The following TYR variants were observed in gnomAD, a reference collection of about 807,000 sequenced individuals.
The protein encoded by TYR is LB24-AB.
In TYR, 58 loss-of-function variants were observed where a neutral mutation model predicts 51.5. The ratio of observed to expected loss-of-function variants is 1.13; its 90% CI spans 0.91 to 1.40. TYR has a LOEUF of 1.40. TYR is among the 40% of genes most tolerant of loss of function. The probability of loss-of-function intolerance (pLI) is 0.00; values close to 1 mark genes in which losing one functional copy is unlikely to be tolerated. For missense variants in TYR, 732 were observed against 647.4 expected, an observed-to-expected ratio of 1.13 and a Z score of -1.42; for synonymous variants, 263 against 235.2, an observed-to-expected ratio of 1.12 and a Z score of -1.08.
intron 1 of TYR, among the ~76,000 whole-genome samples, chr11:89,181,750 G>C (rs765899112): frequency 6.6e-6 from 1 of 151,894 alleles, no homozygotes; most frequent in Non-Finnish European, 1.5e-5. Flanking sequence ...GCCTAAAATG[G>C]TAGGATGATT....
intron 2 of TYR, among the ~76,000 whole-genome samples, chr11:89,196,046 A>T (rs1463348736): frequency 2.0e-5 from 3 of 152,198 alleles, no homozygotes; most frequent in Non-Finnish European, 2.9e-5. Flanking sequence ...TTAACTTCTC[A>T]TATGTAAAAT....
intron 2 of TYR, among the ~76,000 whole-genome samples, chr11:89,192,839 A>G (rs1943464500): frequency 6.6e-6 from 1 of 152,130 alleles, no homozygotes; most frequent in Admixed American, 6.6e-5. Context: ...TATTATTCCC[A>G]CTTTTAAGGG....
chr11:89,226,119 CAG>C (rs1425985871), intron 2 of TYR, among the ~76,000 whole-genome samples: 1 of 151,878 alleles, frequency 6.6e-6, no homozygotes, highest in Non-Finnish European at 1.5e-5. Context: ...TGGTGCTACT[CAG>C]AGATAAAATC....
intron 2 of TYR, among the ~76,000 whole-genome samples, chr11:89,202,657 G>A (rs1465909390): frequency 2.9e-5 from 1 of 34,926 alleles, no homozygotes; most frequent in Non-Finnish European, 4.5e-5. Flanking sequence ...ACACTGTATA[G>A]CTGGATCCTA....
chr11:89,245,360 C>T (rs182739892), intron 3 of TYR, among the ~76,000 whole-genome samples: 6 of 152,148 alleles, frequency 3.9e-5, no homozygotes, highest in East Asian at 1.9e-4. Context: ...ACTGAAATTC[C>T]GAGAGGTTAA....
intron 3 of TYR, among the ~76,000 whole-genome samples, chr11:89,242,601 C>A (rs75294187): frequency 0.058 from 8,871 of 152,226 alleles, 599 homozygotes; most frequent in African/African-American, 0.17. Context: ...CTAGAGAGCT[C>A]TATTCTGACA....
chr11:89,187,434 T>C (rs1039201784), intron 1 of TYR, among the ~76,000 whole-genome samples: 1 of 152,156 alleles, frequency 6.6e-6, no homozygotes, highest in Non-Finnish European at 1.5e-5. Context: ...AATGCTATCT[T>C]AACATGGGGA....
chr11:89,182,394 T>C (rs974876897), intron 1 of TYR, among the ~76,000 whole-genome samples: 6 of 152,148 alleles, frequency 3.9e-5, no homozygotes, highest in Admixed American at 6.6e-5. Context: ...GATACAACAA[T>C]GTCAACAATA....
intron 3 of TYR, among the ~76,000 whole-genome samples, chr11:89,234,918 C>G (rs1944091595): frequency 6.6e-6 from 1 of 151,666 alleles, no homozygotes; most frequent in Non-Finnish European, 1.5e-5. Context: ...GAGTAACACA[C>G]TTGCCAAACA....
At chr11:89,229,685 A>C (rs1944021304) in intron 3 of TYR, among the ~76,000 whole-genome samples, 1 of 152,064 alleles carries the variant, frequency 6.6e-6, no homozygotes, top group Non-Finnish European at 1.5e-5. Flanking sequence ...AAAACTGATA[A>C]ATTAAGTAAA....
At position 89,264,735 on chromosome 11, in the gene TYR, CA is replaced by C. The variant is rs11453031; in HGVS notation, c.1185-20026del. ...CATACACCGTGGAATACTATGCAGC[CA>C]AAAAAAAAAAACAAACAAACAAACG... On this transcript the variant is annotated intron_variant, in intron 3 of 4. Coordinates refer to ENST00000263321, the MANE Select transcript of TYR (RefSeq NM_000372.5). 2.2e-3 allele frequency among the ~76,000 whole-genome samples: 292 copies of C among 135,304 alleles called. 1 individual carries two copies. Among genetic ancestry groups the C allele is most frequent in the South Asian group, 0.011 (50 of 4,396 alleles). The allele number at this position is 135,304 out of a possible 152,430, so 88.8% of individuals were successfully genotyped here.
In TYR at chr11:89,247,731, C is replaced by A. The variant is rs113168667; in HGVS notation, c.1184+19761C>A. On this transcript the variant is annotated intron_variant, in intron 3 of 4. Coordinates refer to ENST00000263321, the MANE Select transcript of TYR (RefSeq NM_000372.5). ...CAAAGGCACACAGTTTTCTGCAAAG[C>A]GGAGGGAAGAGTGTCAACCTCTTGC... Among the ~76,000 whole-genome samples the A allele has an allele frequency of 2.0e-5, 3 of 152,146 alleles. No individual in the cohort carries two copies. In the South Asian group the frequency reaches 6.2e-4, roughly 32 times the overall value.
intron 3 of TYR, among the ~76,000 whole-genome samples, chr11:89,248,487 A>G (rs751764270): frequency 3.3e-5 from 5 of 152,124 alleles, no homozygotes; most frequent in Non-Finnish European, 7.4e-5. Context: ...TTTAGGAAGC[A>G]GAAGGCACAC....
chr11:89,282,182 A>G (rs924299498), intron 3 of TYR, among the ~76,000 whole-genome samples: 35 of 151,790 alleles, frequency 2.3e-4, no homozygotes, highest in African/African-American at 8.5e-4. Context: ...TTTTTATTTC[A>G]TGGCAGAAAC....
rs565166845 is a variant in TYR at position 89,244,313 on chromosome 11, C to A, written c.1184+16343C>A. 2.6e-5 allele frequency among the ~76,000 whole-genome samples: 4 copies of A among 151,728 alleles called. No individual in the cohort carries two copies. The East Asian group carries it at 7.8e-4, about 29-fold the overall frequency. On this transcript the variant is annotated intron_variant, in intron 3 of 4. Coordinates refer to ENST00000263321, the MANE Select transcript of TYR (RefSeq NM_000372.5). Reference sequence around the variant, plus strand: ...TGATTCAATAAAGAGATCTACTAGGCAGTTGAGCTCCAGGTCCTGCATTTT... The same window carrying A: ...TGATTCAATAAAGAGATCTACTAGGAAGTTGAGCTCCAGGTCCTGCATTTT...
At chr11:89,254,345 A>G (rs1178396684) in intron 3 of TYR, among the ~76,000 whole-genome samples, 3 of 151,698 alleles carry the variant, frequency 2.0e-5, no homozygotes, top group African/African-American at 7.3e-5. Flanking sequence ...GTCTTCATAG[A>G]ATGATTTAGG....
chr11:89,182,392 A>G (rs964475556), intron 1 of TYR, among the ~76,000 whole-genome samples: 1 of 152,164 alleles, frequency 6.6e-6, no homozygotes, highest in Non-Finnish European at 1.5e-5. Flanking sequence ...AGGATACAAC[A>G]ATGTCAACAA....
At chr11:89,256,443 A>G (rs937207754) in intron 3 of TYR, among the ~76,000 whole-genome samples, 3 of 146,316 alleles carry the variant, frequency 2.1e-5, no homozygotes, top group Non-Finnish European at 3.0e-5. Context: ...AAAATGATAG[A>G]GGTATGTGTG....
chr11:89,209,735 GT>G (rs1241025821), intron 2 of TYR, among the ~76,000 whole-genome samples: 1 of 152,086 alleles, frequency 6.6e-6, no homozygotes, highest in Non-Finnish European at 1.5e-5. Context: ...ATACAGGCAG[GT>G]GCCCCTCTGG....
Sources: gnomAD v4.1 joint callset for allele counts (sites outside exome capture counted in the v4.1 genomes callset) on GRCh38, gnomAD v4.1.1 for gene constraint, MANE v1.5 for transcripts, NCBI Gene and HGNC (gene_info 2026-07-23, HGNC 2026-07-21) for gene names.